The following CBX7 variants were observed in gnomAD, a reference collection of about 807,000 sequenced individuals.
The protein encoded by CBX7 is chromobox protein homolog 7.
In CBX7, 14 loss-of-function variants were observed where a neutral mutation model predicts 31.4. The ratio of observed to expected loss-of-function variants is 0.45; its 90% CI spans 0.29 to 0.70. CBX7 has a LOEUF of 0.70. CBX7 is among the 30% of genes least tolerant of loss of function. The probability of loss-of-function intolerance (pLI) is 0.11; values close to 1 mark genes in which losing one functional copy is unlikely to be tolerated. For missense variants in CBX7, 269 were observed against 351.9 expected, an observed-to-expected ratio of 0.76 and a Z score of 1.89; for synonymous variants, 159 against 152.6, an observed-to-expected ratio of 1.04 and a Z score of -0.31.
chr22:39,152,277 G>T lies in CBX7; in HGVS notation c.69+99C>A. 1 of 740,302 alleles carries T rather than the reference G, an allele frequency of 1.4e-6. No homozygotes were observed. 45.9% of individuals were successfully genotyped at this position (740,302 alleles called of 1,614,324 possible). ...GCAGCGCAGGGCTGCCGGGGCCCCC[G>T]CGCCCCGCTTTCCCCTTCAGCCCCA... On this transcript the variant is annotated intron_variant, in intron 1 of 5. Transcript: ENST00000216133. The surrounding 1 kb of genome is among the most constrained non-coding windows in gnomAD (Gnocchi z 4.9).
chr22:39,134,143 G>C (rs562656859), intron 5 of CBX7, 95 bp from the exon 6 acceptor site: 2 of 1,311,494 alleles, frequency 1.5e-6, no homozygotes, highest in Non-Finnish European at 2.1e-6. Flanking sequence ...CCTCCTCTCT[G>C]TGTCTTCAGT....
At position 39,144,230 on chromosome 22, in the gene CBX7, G is replaced by A. The variant is rs535669127; in HGVS notation, c.114-2794C>T. On this transcript the variant is annotated intron_variant, in intron 2 of 5. Coordinates refer to ENST00000216133, the MANE Select transcript of CBX7 (RefSeq NM_175709.5). The stretch of plus-strand genomic sequence containing the variant: ...CCCACTTGGTGTCGGGCCTCTATGG[G>A]CTCGCAGTGAAGCCCTGAGCCTGGG... Among the ~76,000 whole-genome samples, 53 of 152,334 alleles carry A rather than the reference G, an allele frequency of 3.5e-4. 2 individuals carry two copies. The South Asian group carries it at 0.01, about 29-fold the overall frequency.
At chr22:39,140,523 A>C (rs1930416141) in intron 3 of CBX7, among the ~76,000 whole-genome samples, 1 of 151,738 alleles carries the variant, frequency 6.6e-6, no homozygotes, top group Non-Finnish European at 1.5e-5. Flanking sequence ...GGCAGTGGAA[A>C]AGCCCCCACC....
intron 3 of CBX7, among the ~76,000 whole-genome samples, chr22:39,140,539 G>A (rs546290128): frequency 1.7e-3 from 247 of 146,202 alleles, no homozygotes; most frequent in African/African-American, 6.2e-3. Flanking sequence ...CCACCTGGAG[G>A]TGGCAGCCCT....
chr22:39,134,026 C>A lies in CBX7; in HGVS notation c.621G>T (p.Gly207=). ...GGAGCGCAGGTGTCCAGGGAGGGGG[C>A]CCCTCGGCCAGGTCGGCATCTGCTG... is the stretch of plus-strand genomic sequence containing the variant. The part of the protein sequence containing the change: ...EEEADADLAE[G]PPPWTPALPS... Residue 207 remains glycine (G), a synonymous_variant, in exon 6 of 6, where the codon GGG becomes GGT. Coordinates refer to ENST00000216133, the MANE Select transcript of CBX7 (RefSeq NM_175709.5). The A allele has an allele frequency of 6.2e-7, 1 of 1,604,616 alleles. No homozygotes were observed. The highest frequency in any genetic ancestry group is 1.1e-5 in the South Asian group (1 of 90,660).
At chr22:39,144,380 A>G (rs1048992294) in intron 2 of CBX7, among the ~76,000 whole-genome samples, 3 of 152,056 alleles carry the variant, frequency 2.0e-5, no homozygotes, top group Non-Finnish European at 4.4e-5. Flanking sequence ...CATCCCTCCC[A>G]GGCTGTCCCA....
chr22:39,150,665 G>A (rs780531302), intron 1 of CBX7, among the ~76,000 whole-genome samples: 12 of 152,122 alleles, frequency 7.9e-5, no homozygotes, highest in Non-Finnish European at 1.3e-4. Context: ...AGCTACACAG[G>A]AGGCTGAGGC....
At position 39,134,626 on chromosome 22, in the gene CBX7, G is replaced by T; in HGVS notation, c.373C>A (p.Leu125Met). 6.3e-7 allele frequency: 1 copy of T among 1,584,926 alleles called. No homozygotes were observed. The highest frequency in any genetic ancestry group is 1.1e-5 in the South Asian group (1 of 87,648). ...GGCACCAAGGGGCCCTTGTCCACCA[G>T]CTCAGGTGCCCCCGCCTTGACCACC... is the stretch of plus-strand genomic sequence containing the variant. ...EGVVKAGAPE[L>M]VDKGPLVPTL... The change falls in exon 5 of 6, where the codon CTG becomes ATG. Residue 125 changes from leucine to methionine, a missense_variant. This residue lies in a region of CBX7 where 222 missense variants were observed against 240.4 expected (regional missense o/e 0.92). Coordinates refer to ENST00000216133, the MANE Select transcript of CBX7 (RefSeq NM_175709.5).
At chr22:39,145,901 G>A (rs1038538591) in intron 2 of CBX7, among the ~76,000 whole-genome samples, 1 of 151,944 alleles carries the variant, frequency 6.6e-6, no homozygotes, top group Non-Finnish European at 1.5e-5. Context: ...GGCGCAGCGG[G>A]TGCAGGACCC....
chr22:39,132,149 G>C lies in CBX7; in HGVS notation c.*1742C>G, dbSNP rs940519985. The C allele has an allele frequency of 6.6e-6, 1 of 152,352 alleles. No individual in the cohort carries two copies. The highest frequency in any genetic ancestry group is 1.5e-5 in the Non-Finnish European group (1 of 68,122). The allele number at this position is 152,352 out of a possible 1,614,324, so 9.4% of individuals were successfully genotyped here. The stretch of plus-strand genomic sequence containing the variant: ...AAAGATCGAGGAGGAAGGAAAGAGA[G>C]ACTCAGGGATCTGGGAAGCCTGTCA... On this transcript the variant is annotated 3_prime_UTR_variant, in exon 6 of 6. Transcript: ENST00000216133.
Position 39,134,100 on chromosome 22 carries a change from T to C in CBX7, c.599-52A>G, listed in dbSNP as rs879043257. 10 of 1,530,964 alleles carry C rather than the reference T, an allele frequency of 6.5e-6. No individual in the cohort carries two copies. The South Asian group carries it at 1.1e-4, about 17-fold the overall frequency. The allele number at this position is 1,530,964 out of a possible 1,614,324, so 94.8% of individuals were successfully genotyped here. On this transcript the variant is annotated intron_variant, in intron 5 of 5. Coordinates refer to ENST00000216133, the MANE Select transcript of CBX7 (RefSeq NM_175709.5). ...GCAGCGTTGACAAGGTGGGAAGCCA[T>C]GCAGACCACCCAACCCGACCCCAAC... is the stretch of plus-strand genomic sequence containing the variant.
In CBX7 at chr22:39,149,419, C is replaced by T. The variant is rs113770949; in HGVS notation, c.113+370G>A. On this transcript the variant is annotated intron_variant, in intron 2 of 5. Transcript: ENST00000216133. ...CACTGAGGACTCATGCAGCACTGTG[C>T]TTAAAGCAGCTGGGGTCCCCTCCTC... 2,471 of 368,672 alleles carry T rather than the reference C, an allele frequency of 6.7e-3. 58 individuals are homozygous for T. The highest frequency in any genetic ancestry group is 0.046 in the African/African-American group (2,234 of 48,252). The allele number at this position is 368,672 out of a possible 1,614,324, so 22.8% of individuals were successfully genotyped here.
At position 39,134,001 on chromosome 22, in the gene CBX7, G is replaced by C; in HGVS notation, c.646C>G (p.Pro216Ala). 6.2e-7 allele frequency: 1 copy of C among 1,612,720 alleles called. No homozygotes were observed. The highest frequency in any genetic ancestry group is 8.5e-7 in the Non-Finnish European group (1 of 1,179,070). ...TCGGTCACGGTCACCTCACTTGAGG[G>C]GAGCGCAGGTGTCCAGGGAGGGGGC... ...EGPPPWTPAL[P>A]SSEVTVTDIT... is the part of the protein sequence containing the mutation. Residue 216 changes from proline (P) to alanine (A), a missense_variant, in exon 6 of 6, where the codon CCC becomes GCC. Around this residue, in one of 2 missense-constraint regions of CBX7, gnomAD observed 222 missense variants for 240.4 expected, o/e 0.92. Coordinates refer to ENST00000216133, the MANE Select transcript of CBX7 (RefSeq NM_175709.5).
intron 2 of CBX7, among the ~76,000 whole-genome samples, chr22:39,145,610 C>A (rs1930623340): frequency 6.6e-6 from 1 of 151,096 alleles, no homozygotes; most frequent in Non-Finnish European, 1.5e-5. Flanking sequence ...GCCGGCGGGG[C>A]GGGAACCGAT....
At chr22:39,142,960 G>A (rs772542353) in intron 2 of CBX7, among the ~76,000 whole-genome samples, 25 of 143,884 alleles carry the variant, frequency 1.7e-4, no homozygotes, top group Non-Finnish European at 3.2e-4. Flanking sequence ...AGTGTCTTAG[G>A]TTTTAAAAAC....
chr22:39,141,369 ACTT>A lies in CBX7; in HGVS notation c.178_179+1del. The A allele has an allele frequency of 6.2e-7, 1 of 1,611,060 alleles. No individual in the cohort carries two copies. Among genetic ancestry groups the A allele is most frequent in the Non-Finnish European group, 8.5e-7 (1 of 1,178,886 alleles). On this transcript the variant is annotated splice_donor_variant and coding_sequence_variant, in exon 3 of 6. Coordinates refer to ENST00000216133, the MANE Select transcript of CBX7 (RefSeq NM_175709.5). LOFTEE classifies it high-confidence loss of function. ...CACCCGGCGGTGCCGAGGACACCGTACTTCTCCTCGTAGGCCATGACGAGGCGG... is the reference window on the plus strand; with the variant it reads ...CACCCGGCGGTGCCGAGGACACCGTACTCCTCGTAGGCCATGACGAGGCGG...
At chr22:39,139,969 C>A (rs1457322103) in intron 3 of CBX7, among the ~76,000 whole-genome samples, 2 of 151,976 alleles carry the variant, frequency 1.3e-5, no homozygotes, top group Non-Finnish European at 2.9e-5. Flanking sequence ...TGCCACGAAG[C>A]TACACATGAC....
intron 4 of CBX7, chr22:39,135,375 A>C (rs1376790461): frequency 1.3e-5 from 2 of 152,510 alleles, no homozygotes; most frequent in Non-Finnish European, 2.9e-5. Context: ...GCTGGAGGGC[A>C]AGTCTGTCCA....
chr22:39,141,242 G>C (rs1038326662), intron 3 of CBX7, 129 bp downstream of exon 3: 4 of 681,632 alleles, frequency 5.9e-6, no homozygotes, highest in Non-Finnish European at 9.9e-6. Flanking sequence ...CCCAGCTGCA[G>C]GCTGGGCTGG....
Sources: gnomAD v4.1 joint callset for allele counts (sites outside exome capture counted in the v4.1 genomes callset) on GRCh38, gnomAD v4.1.1 for gene constraint, gnomAD v4.1.1 regional missense constraint, Gnocchi (gnomAD v3.1) non-coding constraint, MANE v1.5 for transcripts, NCBI Gene and HGNC (gene_info 2026-07-23, HGNC 2026-07-21) for gene names.